The following MED16 variants were observed in gnomAD, a reference collection of about 807,000 sequenced individuals.
MED16 encodes the protein mediator complex subunit 16.
MED16 carries 81 observed loss-of-function variants against 84.4 expected under a neutral mutation model. The observed-to-expected ratio is 0.96, with a 90% CI of 0.80 to 1.15. MED16 has a LOEUF of 1.15. Among genes scored for constraint, MED16 ranks in the 50% most tolerant of loss-of-function variants. The pLI is 0.00. For missense variants in MED16, 1,585 were observed against 1,245.9 expected (o/e 1.27, Z -4.10); for synonymous variants, 897 against 552.2 (o/e 1.62, Z -8.76).
Position 868,920 on chromosome 19 carries a change from T to C in MED16, c.2342A>G (p.His781Arg). 3 of 1,547,956 alleles carry C rather than the reference T, an allele frequency of 1.9e-6. No individual in the cohort carries two copies. Among genetic ancestry groups the C allele is most frequent in the Non-Finnish European group, 2.6e-6 (3 of 1,152,200 alleles). ...AGCGCCAAGGTGCAGCCTCCGCAGG[T>C]GGTCGATCTTGGGCTGGCCTGGGGC... is the stretch of plus-strand genomic sequence containing the variant. ...ARAPGQPKID[H>R]LRRLHLGACP... Residue 781 changes from histidine (H) to arginine (R), a missense_variant, in exon 14 of 16, where the codon CAC (histidine) becomes CGC (arginine). Coordinates refer to ENST00000325464, the MANE Select transcript of MED16 (RefSeq NM_005481.3).
intron 9 of MED16, 64 bp downstream of exon 9, chr19:876,910 C>G (rs112523035): frequency 7.0e-7 from 1 of 1,420,274 alleles, no homozygotes; most frequent in Non-Finnish European, 9.5e-7. Flanking sequence ...CCACCTGCCA[C>G]GGGGCCCCCA....
At chr19:879,078 C>T in intron 8 of MED16, among the ~76,000 whole-genome samples, 1 of 77,200 alleles carries the variant, frequency 1.3e-5, no homozygotes, top group South Asian at 4.2e-4. Flanking sequence ...CCAGCCCCAG[C>T]CCCACGTGCC....
At position 868,847 on chromosome 19, in the gene MED16, T is replaced by G. The variant is rs149077051; in HGVS notation, c.2399+16A>C. Reference sequence around the variant, plus strand: ...CGGCACATCTCTGGGAGTCAGCGGTTCCGGGGGCCCCTCACCTGGTGCAGG... The same window carrying G: ...CGGCACATCTCTGGGAGTCAGCGGTGCCGGGGGCCCCTCACCTGGTGCAGG... On this transcript the variant is annotated intron_variant, in intron 14 of 15. Coordinates refer to ENST00000325464, the MANE Select transcript of MED16 (RefSeq NM_005481.3). The G allele has an allele frequency of 8.5e-4, 1,315 of 1,545,108 alleles. 7 individuals carry two copies. The African/African-American group carries it at 0.014, about 17-fold the overall frequency.
intron 7 of MED16, 85 bp from the exon 8 acceptor site, chr19:880,233 G>T: frequency 3.0e-6 from 4 of 1,317,474 alleles, no homozygotes; most frequent in South Asian, 1.5e-5. Flanking sequence ...GCAGGGTGTG[G>T]AGAGCCGGGG....
At chr19:876,243 G>C (rs973704401) in intron 9 of MED16, among the ~76,000 whole-genome samples, 10 of 152,136 alleles carry the variant, frequency 6.6e-5, no homozygotes, top group Non-Finnish European at 1.5e-4. Context: ...GAGCTCGTTA[G>C]ATCTGAGGTC....
rs749568080 is a variant in MED16 at position 871,051 on chromosome 19, G to C, written c.2301C>G (p.Leu767=). The C allele has an allele frequency of 6.5e-7, 1 of 1,543,428 alleles. No homozygotes were observed. Among genetic ancestry groups the C allele is most frequent in the Non-Finnish European group, 8.8e-7 (1 of 1,142,590 alleles). The change falls in exon 13 of 16, where the codon CTC becomes CTG. Residue 767 remains leucine (L), a synonymous_variant. Coordinates refer to ENST00000325464, the MANE Select transcript of MED16 (RefSeq NM_005481.3). Reference sequence around the variant, plus strand: ...GACACACGCACCTGGCGAGGCCGTCGAGCTGCAGGGTGGCAGCACTGCCAG... The same window carrying C: ...GACACACGCACCTGGCGAGGCCGTCCAGCTGCAGGGTGGCAGCACTGCCAG... The part of the protein sequence containing the change: ...TLPGSAATLQ[L]DGLARAPGQP...
In MED16 at chr19:889,734, G is replaced by A; in HGVS notation, c.351C>T (p.Ser117=). 6.2e-7 allele frequency: 1 copy of A among 1,613,698 alleles called. No individual in the cohort carries two copies. The highest frequency in any genetic ancestry group is 8.5e-7 in the Non-Finnish European group (1 of 1,179,942). ...CWSMADHLAN[S]WESSVGSLVE... ...CTAGGCTGCCCACTGAGCTCTCCCA[G>A]CTATTAGCCAGGTGGTCCGCCATGC... is the stretch of plus-strand genomic sequence containing the variant. Residue 117 remains serine (S), a synonymous_variant, in exon 4 of 16, where the codon AGC becomes AGT. Transcript: ENST00000325464.
chr19:882,924 G>C (rs1371152382), intron 6 of MED16, among the ~76,000 whole-genome samples: 2 of 152,220 alleles, frequency 1.3e-5, no homozygotes, highest in Non-Finnish European at 1.5e-5. Context: ...AACAGGCCCA[G>C]AGAGTGGCTG....
chr19:890,465 G>A (rs896363243), intron 2 of MED16: 2 of 453,986 alleles, frequency 4.4e-6, no homozygotes, highest in East Asian at 3.5e-5. Context: ...CAGATTAGAA[G>A]AAAATGACTC....
At chr19:868,303 T>A (rs1038974625) in intron 15 of MED16, 52 bp from the exon 16 acceptor site, 1 of 1,587,762 alleles carries the variant, frequency 6.3e-7, no homozygotes, top group South Asian at 1.1e-5. Flanking sequence ...GGGCGAGCGG[T>A]GGCTCTTGCA....
At chr19:872,618 G>A (rs975635862) in intron 11 of MED16, among the ~76,000 whole-genome samples, 4 of 146,716 alleles carry the variant, frequency 2.7e-5, no homozygotes, top group South Asian at 4.9e-4. Context: ...TGGGGCAGAA[G>A]AAATCACAGC....
rs551092269 is a variant in MED16, at chr19:891,242, C to A, written c.-18-93G>T. 6.3e-6 allele frequency: 8 copies of A among 1,274,292 alleles called. No individual in the cohort carries two copies. The Admixed American group carries it at 1.8e-4, about 29-fold the overall frequency. 78.9% of individuals were successfully genotyped at this position (1,274,292 alleles called of 1,614,324 possible). A position where few individuals can be genotyped will look rare whatever the true frequency, so the allele number is the denominator to read the frequency against. ...CAGAAGTGGGAAAACAATGGAGGCC[C>A]GTGGTAGAGGGAACAGCCGATGCAA... On this transcript the variant is annotated intron_variant, in intron 1 of 15. Coordinates refer to ENST00000325464, the MANE Select transcript of MED16 (RefSeq NM_005481.3).
intron 1 of MED16, 38 bp downstream of exon 1, chr19:893,048 C>A (rs968576870): frequency 1.3e-5 from 2 of 152,600 alleles, no homozygotes; most frequent in South Asian, 3.8e-4. Context: ...GTCAGGGGTC[C>A]GTCCGCCCTC....
At chr19:872,753 C>A (rs981759312) in intron 11 of MED16, among the ~76,000 whole-genome samples, 1 of 151,614 alleles carries the variant, frequency 6.6e-6, no homozygotes, top group Non-Finnish European at 1.5e-5. Flanking sequence ...GCCGCCCACC[C>A]CAGGCGCAGG....
At chr19:870,956 G>A (rs1305266887) in intron 13 of MED16, 81 bp downstream of exon 13, 3 of 1,361,486 alleles carry the variant, frequency 2.2e-6, no homozygotes, top group Non-Finnish European at 3.0e-6. Flanking sequence ...CAGGGAGGGA[G>A]CCGTGTGGAT....
Position 885,027 on chromosome 19 carries a change from T to C in MED16, c.880-19A>G, listed in dbSNP as rs749823374. The stretch of plus-strand genomic sequence containing the variant: ...AAAGCACCTGCGGGGGAGGTGGGGG[T>C]GAGGGCTGACCCGGCACTGCTGTGG... On this transcript the variant is annotated intron_variant, in intron 5 of 15. Coordinates refer to ENST00000325464, the MANE Select transcript of MED16 (RefSeq NM_005481.3). The C allele has an allele frequency of 2.5e-6, 4 of 1,570,902 alleles. No homozygotes were observed. Among genetic ancestry groups the C allele is most frequent in the Admixed American group, 3.6e-5 (2 of 55,750 alleles).
At chr19:881,010 C>T (rs2036409940) in intron 7 of MED16, among the ~76,000 whole-genome samples, 1 of 152,160 alleles carries the variant, frequency 6.6e-6, no homozygotes, top group Non-Finnish European at 1.5e-5. Flanking sequence ...TCCCCTCAAC[C>T]TCTCTGCAGG....
At chr19:877,658 C>A (rs544973856) in intron 8 of MED16, among the ~76,000 whole-genome samples, 31 of 144,552 alleles carry the variant, frequency 2.1e-4, no homozygotes, top group African/African-American at 5.1e-4. Flanking sequence ...CCAGCCCCAG[C>A]CCCAGACCCA....
In MED16 at chr19:868,886, C is replaced by A; in HGVS notation, c.2376G>T (p.Thr792=). 1 of 1,551,506 alleles carries A rather than the reference C, an allele frequency of 6.4e-7. No individual in the cohort carries two copies. The highest frequency in any genetic ancestry group is 8.7e-7 in the Non-Finnish European group (1 of 1,151,180). The change falls in exon 14 of 16, where the codon ACG becomes ACT. Residue 792 remains threonine (T), a synonymous_variant. Coordinates refer to ENST00000325464, the MANE Select transcript of MED16 (RefSeq NM_005481.3). ...LRRLHLGACP[T]EECKACTRCG... is the part of the protein sequence containing the mutation. ...ACCTGGTGCAGGCCTTGCATTCCTC[C>A]GTGGGGCAAGCGCCAAGGTGCAGCC...
Sources: gnomAD v4.1 joint callset for allele counts (sites outside exome capture counted in the v4.1 genomes callset) on GRCh38, gnomAD v4.1.1 for gene constraint, MANE v1.5 for transcripts, NCBI Gene and HGNC (gene_info 2026-07-23, HGNC 2026-07-21) for gene names.